The following RANBP17 variants were observed in gnomAD, a reference collection of about 807,000 sequenced individuals.
RANBP17 encodes the protein ran-binding protein 17.
Under a neutral mutation model 141.2 loss-of-function variants are expected in RANBP17, and 158 were observed. That is an observed-to-expected ratio of 1.12 (90% CI 0.98 to 1.28). The LOEUF is 1.28. Ranked by LOEUF, RANBP17 falls within the 50% of genes most tolerant of loss-of-function variation. The pLI is 0.00. For synonymous variants in RANBP17, 430 were observed against 450.0 expected, an observed-to-expected ratio of 0.96 and a Z score of 0.56; for missense variants, 1,438 against 1,290.7, an observed-to-expected ratio of 1.11 and a Z score of -1.75.
At chr5:170,946,513 ATTGT>A (rs1237202257) in intron 12 of RANBP17, among the ~76,000 whole-genome samples, 1 of 152,144 alleles carries the variant, frequency 6.6e-6, no homozygotes, top group African/African-American at 2.4e-5. Flanking sequence ...ACTAATTGTC[ATTGT>A]TTGGTAGTTA....
intron 14 of RANBP17, among the ~76,000 whole-genome samples, chr5:171,010,259 G>A (rs1397174039): frequency 6.6e-6 from 1 of 152,124 alleles, no homozygotes; most frequent in Non-Finnish European, 1.5e-5. Context: ...TAAAATAGAG[G>A]AACTTGGTAA....
intron 14 of RANBP17, among the ~76,000 whole-genome samples, chr5:171,103,852 G>A (rs574355261): frequency 2.8e-4 from 42 of 152,274 alleles, no homozygotes; most frequent in African/African-American, 8.9e-4. Flanking sequence ...GCTAGGCGAC[G>A]GAGGTCCCCA....
At chr5:170,985,165 A>C (rs1433927468) in intron 14 of RANBP17, among the ~76,000 whole-genome samples, 1 of 152,062 alleles carries the variant, frequency 6.6e-6, no homozygotes, top group Non-Finnish European at 1.5e-5. Flanking sequence ...ACAGACACAC[A>C]CACACACATC....
intron 21 of RANBP17, among the ~76,000 whole-genome samples, chr5:171,221,260 C>T (rs993269): frequency 0.17 from 25,578 of 152,110 alleles, 2,159 homozygotes; most frequent in African/African-American, 0.18. Context: ...TGAAATATGC[C>T]TGAAGTGTCA....
At chr5:171,095,494 A>G (rs909574945) in intron 14 of RANBP17, among the ~76,000 whole-genome samples, 16 of 152,216 alleles carry the variant, frequency 1.1e-4, no homozygotes, top group African/African-American at 3.9e-4. Flanking sequence ...ATCAAATAAA[A>G]AGAAAGGACA....
At chr5:171,177,481 T>C (rs563895452) in intron 16 of RANBP17, among the ~76,000 whole-genome samples, 2 of 152,268 alleles carry the variant, frequency 1.3e-5, no homozygotes, top group Non-Finnish European at 2.9e-5. Flanking sequence ...GATACTCCAT[T>C]AGACCACAAT....
At position 171,277,635 on chromosome 5, in the gene RANBP17, A is replaced by ATGTG. The variant is rs1386796395; in HGVS notation, c.2943+11791_2943+11792insGTGT. 5.8e-3 allele frequency among the ~76,000 whole-genome samples: 411 copies of ATGTG among 70,628 alleles called. 22 individuals are homozygous for ATGTG. The highest frequency in any genetic ancestry group is 0.023 in the African/African-American group (377 of 16,280). The allele number at this position is 70,628 out of a possible 152,430, so 46.3% of individuals were successfully genotyped here. ...AAGTGCCTTACGTATACATATATGT[A>ATGTG]TGTATATATATATATATATATATAT... On this transcript the variant is annotated intron_variant, in intron 25 of 27. Transcript: ENST00000523189.
At chr5:170,870,302 G>A (rs1227737535) in intron 1 of RANBP17, among the ~76,000 whole-genome samples, 2 of 152,112 alleles carry the variant, frequency 1.3e-5, no homozygotes, top group Non-Finnish European at 2.9e-5. Flanking sequence ...TGCCGCACCT[G>A]TTGACCCGTC....
intron 14 of RANBP17, among the ~76,000 whole-genome samples, chr5:171,063,508 C>T (rs970281555): frequency 2.6e-5 from 4 of 152,172 alleles, no homozygotes; most frequent in Non-Finnish European, 5.9e-5. Context: ...GCTGTCTGAT[C>T]GTTCCTCTGG....
At chr5:171,011,527 T>C (rs927780159) in intron 14 of RANBP17, among the ~76,000 whole-genome samples, 3 of 152,036 alleles carry the variant, frequency 2.0e-5, no homozygotes, top group African/African-American at 7.2e-5. Context: ...CACAGAAAAC[T>C]TAATAATTTA....
At chr5:171,046,166 G>C (rs188580766) in intron 14 of RANBP17, among the ~76,000 whole-genome samples, 86 of 150,396 alleles carry the variant, frequency 5.7e-4, no homozygotes, top group African/African-American at 2.1e-3. Context: ...AAAAGAACTG[G>C]AACTTGATTT....
chr5:171,005,653 C>G (rs1561978573), intron 14 of RANBP17, among the ~76,000 whole-genome samples: 2 of 152,104 alleles, frequency 1.3e-5, no homozygotes, highest in Non-Finnish European at 2.9e-5. Flanking sequence ...AGAAGAAAAC[C>G]TAGGAAATAC....
chr5:170,863,106 A>AG, intron 1 of RANBP17, among the ~76,000 whole-genome samples: 1 of 146,992 alleles, frequency 6.8e-6, no homozygotes, highest in Admixed American at 6.6e-5. Flanking sequence ...TTCTACTCTC[A>AG]GGGAACTTGC....
intron 14 of RANBP17, among the ~76,000 whole-genome samples, chr5:170,981,328 A>C (rs923301028): frequency 5.3e-5 from 8 of 152,286 alleles, no homozygotes; most frequent in East Asian, 1.9e-4. Context: ...TGGTTTTGAA[A>C]TATAAGGACA....
chr5:171,075,949 G>GA (rs942768566), intron 14 of RANBP17, among the ~76,000 whole-genome samples: 4 of 150,712 alleles, frequency 2.7e-5, no homozygotes, highest in Non-Finnish European at 4.4e-5. Flanking sequence ...TGAGACTTGT[G>GA]AAAAAAAAGA....
chr5:170,892,833 CAT>C, intron 4 of RANBP17, among the ~76,000 whole-genome samples: 1 of 152,030 alleles, frequency 6.6e-6, no homozygotes. Flanking sequence ...ATATATAAAA[CAT>C]GTATATAATG....
chr5:171,063,746 T>C (rs1784089438), intron 14 of RANBP17, among the ~76,000 whole-genome samples: 1 of 152,216 alleles, frequency 6.6e-6, no homozygotes, highest in Non-Finnish European at 1.5e-5. Context: ...TTTTTGTTTG[T>C]CTGTGCCCTG....
intron 21 of RANBP17, among the ~76,000 whole-genome samples, chr5:171,221,303 A>G (rs1763540178): frequency 6.6e-6 from 1 of 152,226 alleles, no homozygotes; most frequent in Non-Finnish European, 1.5e-5. Context: ...CAGTATTTTA[A>G]AAGTACCAGA....
At chr5:171,111,448 A>C (rs1755224586) in intron 14 of RANBP17, among the ~76,000 whole-genome samples, 1 of 151,758 alleles carries the variant, frequency 6.6e-6, no homozygotes, top group East Asian at 1.9e-4. Context: ...TTTATTTCCC[A>C]TCTACCTCTT....
Sources: gnomAD v4.1 joint callset for allele counts (sites outside exome capture counted in the v4.1 genomes callset) on GRCh38, gnomAD v4.1.1 for gene constraint, MANE v1.5 for transcripts, NCBI Gene and HGNC (gene_info 2026-07-23, HGNC 2026-07-21) for gene names.